MAP2K3: variants seen among roughly 807,000 people sequenced by gnomAD.
MAP2K3 encodes the protein dual specificity mitogen-activated protein kinase kinase 3.
A neutral mutation model predicts 46.4 loss-of-function variants in MAP2K3; 30 were observed. The observed-to-expected ratio is 0.65, with a 90% CI of 0.48 to 0.88. The LOEUF (loss-of-function observed/expected upper bound fraction) is 0.88, where lower values mean the gene tolerates loss of function less well. Ranked by LOEUF, MAP2K3 falls within the 40% of genes least tolerant of loss-of-function variation. The pLI is 0.00. For missense variants in MAP2K3, 380 were observed against 464.5 expected, an observed-to-expected ratio of 0.82 and a Z score of 1.67; for synonymous variants, 189 against 176.3, an observed-to-expected ratio of 1.07 and a Z score of -0.57.
intron 1 of MAP2K3, among the ~76,000 whole-genome samples, chr17:21,297,906 G>C (rs1384625000): frequency 2.0e-5 from 3 of 150,820 alleles, no homozygotes; most frequent in Admixed American, 2.0e-4. Context: ...GGCAGCCCGG[G>C]CTGGAGTCCC....
chr17:21,312,615 T>C (rs1275851320), intron 10 of MAP2K3, among the ~76,000 whole-genome samples: 1 of 152,112 alleles, frequency 6.6e-6, no homozygotes, highest in Non-Finnish European at 1.5e-5. Flanking sequence ...ATAGGAGCCT[T>C]ATAAAAATCA....
intron 9 of MAP2K3, chr17:21,311,612 G>GGCTC (rs1977166627): frequency 1.4e-5 from 1 of 69,282 alleles, no homozygotes; most frequent in African/African-American, 7.5e-5. Context: ...AGACAGCTGT[G>GGCTC]TGTGTGTGTG....
Position 21,304,440 on chromosome 17 carries a change from A to G in MAP2K3, c.583A>G (p.Asn195Asp), listed in dbSNP as rs1164944855. 1.2e-5 allele frequency: 20 copies of G among 1,614,304 alleles called. No homozygotes were observed. The highest frequency in any genetic ancestry group is 1.6e-5 in the Non-Finnish European group (19 of 1,180,042). ...SVIHRDVKPSNVLINKEGHVK... is the reference protein window; with the variant it reads ...SVIHRDVKPSDVLINKEGHVK... Reference sequence around the variant, plus strand: ...CTCCCTGGCAGATGTGAAGCCCTCCAATGTCCTTATCAACAAGGAGGGCCA... The same window carrying G: ...CTCCCTGGCAGATGTGAAGCCCTCCGATGTCCTTATCAACAAGGAGGGCCA... The change falls in exon 8 of 12, where the codon AAT (asparagine) becomes GAT (aspartate). Residue 195 changes from asparagine (N) to aspartate (D), a missense_variant. Transcript: ENST00000342679.
chr17:21,298,251 C>T, intron 1 of MAP2K3, 162 bp from the exon 2 acceptor site: 2 of 1,038,290 alleles, frequency 1.9e-6, no homozygotes, highest in East Asian at 4.7e-5. Flanking sequence ...GCCTCCTTCC[C>T]CCTTTGAAGG....
intron 3 of MAP2K3, among the ~76,000 whole-genome samples, chr17:21,300,104 T>A (rs1976506530): frequency 6.6e-6 from 1 of 152,312 alleles, no homozygotes; most frequent in East Asian, 1.9e-4. Flanking sequence ...TTTGTGTCCC[T>A]CCCAAGAGAG....
At position 21,298,457 on chromosome 17, in the gene MAP2K3, A is replaced by G; in HGVS notation, c.94A>G (p.Lys32Glu). The G allele has an allele frequency of 1.9e-6, 3 of 1,614,314 alleles. No homozygotes were observed. The highest frequency in any genetic ancestry group is 2.5e-6 in the Non-Finnish European group (3 of 1,180,058). Reference protein sequence around the residue: ...KKDLRISCMSKPPAPNPTPPR... With the variant: ...KKDLRISCMSEPPAPNPTPPR... The stretch of plus-strand genomic sequence containing the variant: ...GGATCTACGGATATCCTGCATGTCC[A>G]AGCCACCCGCACCCAACCCCACGTG... The change falls in exon 2 of 12, where the codon AAG (lysine) becomes GAG (glutamate). Residue 32 changes from lysine to glutamate, a missense_variant. Transcript: ENST00000342679.
At chr17:21,293,307 G>A (rs536558632) in intron 1 of MAP2K3, among the ~76,000 whole-genome samples, 419 of 152,156 alleles carry the variant, frequency 2.8e-3, no homozygotes, top group Non-Finnish European at 4.7e-3. Context: ...GGGTCCTCCC[G>A]TGTTGCCTCC....
intron 3 of MAP2K3, 74 bp from the exon 4 acceptor site, chr17:21,300,471 G>C (rs929499130): frequency 1.4e-6 from 2 of 1,447,194 alleles, no homozygotes; most frequent in Non-Finnish European, 9.5e-7. Flanking sequence ...TGCTGCCCAG[G>C]TATCTCCACT....
chr17:21,285,175 A>C (rs1031629929), intron 1 of MAP2K3: 1 of 922,048 alleles, frequency 1.1e-6, no homozygotes, highest in South Asian at 5.0e-5. Flanking sequence ...TTGGGACTGC[A>C]CTCAGGCCCG....
intron 7 of MAP2K3, 47 bp downstream of exon 7, chr17:21,303,281 A>G (rs759577279): frequency 6.2e-7 from 1 of 1,612,490 alleles, no homozygotes; most frequent in African/African-American, 1.3e-5. Flanking sequence ...AGTGGGAGGG[A>G]TCCCAGGCCA....
At chr17:21,285,239 G>C in intron 1 of MAP2K3, 2 of 985,262 alleles carry the variant, frequency 2.0e-6, no homozygotes, top group Non-Finnish European at 2.4e-6. Context: ...CCCCATCCAA[G>C]TCAGGAGCCT....
intron 1 of MAP2K3, chr17:21,295,886 G>T: frequency 7.8e-7 from 1 of 1,280,330 alleles, no homozygotes; most frequent in Non-Finnish European, 1.0e-6. Flanking sequence ...GAGAGTGCAG[G>T]GAGGGTGTGG....
chr17:21,313,038 C>A (rs1977238611), intron 10 of MAP2K3, among the ~76,000 whole-genome samples: 2 of 152,240 alleles, frequency 1.3e-5, no homozygotes, highest in South Asian at 2.1e-4. Flanking sequence ...TGCGGTGGCT[C>A]ACACCCATGG....
At chr17:21,298,800 C>A in intron 2 of MAP2K3, 78 bp from the exon 3 acceptor site, 1 of 1,607,626 alleles carries the variant, frequency 6.2e-7, no homozygotes, top group East Asian at 2.2e-5. Context: ...CGCCAGGCCC[C>A]ACACTGGCCC....
intron 10 of MAP2K3, among the ~76,000 whole-genome samples, chr17:21,313,225 T>C (rs1343269451): frequency 6.6e-6 from 1 of 152,174 alleles, no homozygotes; most frequent in Non-Finnish European, 1.5e-5. Flanking sequence ...AGCCCCATTT[T>C]GGTGTTGATA....
intron 1 of MAP2K3, among the ~76,000 whole-genome samples, chr17:21,293,398 C>T (rs554696950): frequency 1.3e-4 from 20 of 152,414 alleles, no homozygotes; most frequent in African/African-American, 4.1e-4. Context: ...ATGTTGCAGG[C>T]GGGCCATGGT....
intron 9 of MAP2K3, 93 bp from the exon 10 acceptor site, chr17:21,312,049 C>A: frequency 7.9e-7 from 1 of 1,260,668 alleles, no homozygotes; most frequent in Non-Finnish European, 1.1e-6. Context: ...GGCTCTGGTA[C>A]CAGGATGGGT....
intron 1 of MAP2K3, among the ~76,000 whole-genome samples, chr17:21,293,149 A>C (rs1976037600): frequency 6.6e-6 from 1 of 152,312 alleles, no homozygotes; most frequent in Non-Finnish European, 1.5e-5. Context: ...TGGATGCAGA[A>C]GAATGGGCAT....
intron 1 of MAP2K3, chr17:21,295,675 G>T: frequency 7.8e-7 from 1 of 1,289,502 alleles, no homozygotes; most frequent in South Asian, 1.2e-5. Context: ...TCCCCAACAG[G>T]CCGGTGGATG....
Sources: allele counts gnomAD v4.1 joint callset (sites outside exome capture counted in the v4.1 genomes callset), GRCh38; gene constraint gnomAD v4.1.1; transcripts MANE v1.5; gene names NCBI Gene and HGNC (gene_info 2026-07-23, HGNC 2026-07-21).